The following LRRC31 variants were observed in gnomAD, a reference collection of about 807,000 sequenced individuals.
The protein encoded by LRRC31 is leucine rich repeat containing 31.
Under a neutral mutation model 46.7 loss-of-function variants are expected in LRRC31, and 35 were observed. That is an observed-to-expected ratio of 0.75 (90% confidence interval 0.57 to 0.99). The LOEUF (loss-of-function observed/expected upper bound fraction) is 0.99. Among genes scored for constraint, LRRC31 ranks in the 50% least tolerant of loss-of-function variants. LRRC31 has a pLI of 0.00. For missense variants in LRRC31, 613 were observed against 626.1 expected (o/e 0.98, Z 0.22); for synonymous variants, 236 against 235.1 (o/e 1.00, Z -0.03).
chr3:169,853,624 G>A, intron 6 of LRRC31: 1 of 985,800 alleles, frequency 1.0e-6, no homozygotes, highest in Non-Finnish European at 1.2e-6. Context: ...GGGGATGGTA[G>A]GAACCCATAA....
chr3:169,845,484 C>T (rs117680320), intron 8 of LRRC31, among the ~76,000 whole-genome samples: 17 of 152,160 alleles, frequency 1.1e-4, no homozygotes, highest in East Asian at 3.9e-4. Flanking sequence ...ATCAAGACAG[C>T]GTGATATTGG....
intron 3 of LRRC31, among the ~76,000 whole-genome samples, chr3:169,860,254 G>A (rs1039555131): frequency 1.3e-5 from 2 of 151,124 alleles, no homozygotes; most frequent in African/African-American, 4.9e-5. Context: ...TGGAGATGGA[G>A]TCTCACTCTG....
intron 1 of LRRC31, among the ~76,000 whole-genome samples, chr3:169,863,174 T>C (rs1781226667): frequency 6.6e-6 from 1 of 151,808 alleles, no homozygotes; most frequent in Non-Finnish European, 1.5e-5. Flanking sequence ...TGAGTCACCA[T>C]GGCAGGCCAG....
chr3:169,856,855 T>C lies in LRRC31; in HGVS notation c.505A>G (p.Ile169Val), dbSNP rs766633501. The C allele has an allele frequency of 1.2e-6, 2 of 1,608,904 alleles. No individual in the cohort carries two copies. Among genetic ancestry groups the C allele is most frequent in the East Asian group, 2.2e-5 (1 of 44,646 alleles). Residue 169 changes from isoleucine (I) to valine (V), a missense_variant, in exon 4 of 9, where the codon ATT (isoleucine) becomes GTT (valine). Ile to Val is a conservative substitution (Grantham distance 29). Transcript: ENST00000316428. ...VQALGEAFEM[I>V]PELEELNLSW... is the part of the protein sequence containing the mutation. ...AAATTTAGCTCTTCAAGTTCAGGAATCATCTCAAATGCTTCTCCTGTTAAC... is the reference window on the plus strand; with the variant it reads ...AAATTTAGCTCTTCAAGTTCAGGAACCATCTCAAATGCTTCTCCTGTTAAC...
intron 3 of LRRC31, among the ~76,000 whole-genome samples, chr3:169,857,888 C>T (rs971513345): frequency 6.6e-6 from 1 of 152,052 alleles, no homozygotes; most frequent in Admixed American, 6.6e-5. Flanking sequence ...GCATCTTAAG[C>T]CAGCAATGAA....
chr3:169,850,328 G>A lies in LRRC31; in HGVS notation c.1159+1291C>T, dbSNP rs16847897. On this transcript the variant is annotated intron_variant, in intron 7 of 8. Transcript: ENST00000316428. Reference sequence around the variant, plus strand: ...TCAGCTCGAGTATTTTGCTCAGCTCGCATAGACTTGGTCCTCACCATGTCC... The same window carrying A: ...TCAGCTCGAGTATTTTGCTCAGCTCACATAGACTTGGTCCTCACCATGTCC... 3.3e-5 allele frequency among the ~76,000 whole-genome samples: 5 copies of A among 151,882 alleles called. No homozygotes were observed. The East Asian group carries it at 5.8e-4, about 18-fold the overall frequency.
intron 8 of LRRC31, among the ~76,000 whole-genome samples, chr3:169,843,639 A>C (rs114418320): frequency 0.012 from 1,782 of 152,368 alleles, 38 homozygotes; most frequent in African/African-American, 0.041. Flanking sequence ...TTTTAAAAAG[A>C]ACTGTGAACA....
chr3:169,851,998 G>T (rs1382730210), intron 6 of LRRC31, among the ~76,000 whole-genome samples: 1 of 151,952 alleles, frequency 6.6e-6, no homozygotes, highest in Non-Finnish European at 1.5e-5. Context: ...AAGAGCAAAG[G>T]CTGTGGAGAC....
intron 7 of LRRC31, among the ~76,000 whole-genome samples, chr3:169,848,901 A>G (rs575398936): frequency 1.8e-4 from 27 of 152,254 alleles, no homozygotes; most frequent in Non-Finnish European, 3.7e-4. Flanking sequence ...CAGCTAGTCA[A>G]GATTTCCAGA....
intron 1 of LRRC31, among the ~76,000 whole-genome samples, chr3:169,864,373 C>T (rs904967260): frequency 6.6e-6 from 1 of 152,200 alleles, no homozygotes; most frequent in African/African-American, 2.4e-5. Context: ...AGTCCACATC[C>T]CACTGGGTGC....
chr3:169,866,518 G>A (rs763836381), intron 1 of LRRC31, among the ~76,000 whole-genome samples: 149 of 152,160 alleles, frequency 9.8e-4, no homozygotes, highest in Non-Finnish European at 2.9e-4. Context: ...TTCTGATAGA[G>A]ATGGTTTTCT....
chr3:169,862,828 T>C (rs1781211382), intron 1 of LRRC31, among the ~76,000 whole-genome samples: 3 of 152,062 alleles, frequency 2.0e-5, no homozygotes, highest in African/African-American at 7.2e-5. Flanking sequence ...ATTGAGCACC[T>C]GTTATGTACT....
chr3:169,843,999 G>C (rs923353181), intron 8 of LRRC31, among the ~76,000 whole-genome samples: 5 of 152,110 alleles, frequency 3.3e-5, no homozygotes, highest in African/African-American at 1.2e-4. Flanking sequence ...TCCAAGTTTA[G>C]ATGGCTTCAG....
intron 1 of LRRC31, among the ~76,000 whole-genome samples, chr3:169,866,094 A>T (rs989438258): frequency 2.0e-5 from 3 of 152,192 alleles, no homozygotes; most frequent in Non-Finnish European, 2.9e-5. Flanking sequence ...TATAGGTGAG[A>T]GAAACTCAGT....
chr3:169,856,452 T>A lies in LRRC31; in HGVS notation c.707A>T (p.Asn236Ile). The change falls in exon 5 of 9, where the codon AAC becomes ATC. Residue 236 changes from asparagine to isoleucine, a missense_variant. By Grantham distance (149) the Asn-to-Ile change is moderately radical. Transcript: ENST00000316428. Reference sequence around the variant, plus strand: ...GTTCAGACTGCCAACAATGTCTCTGTTAATGGAAAGATCAAGTACTTCGAG... The same window carrying A: ...GTTCAGACTGCCAACAATGTCTCTGATAATGGAAAGATCAAGTACTTCGAG... ...QSLEVLDLSI[N>I]RDIVGSLNSI... 6.2e-7 allele frequency: 1 copy of A among 1,605,742 alleles called. No individual in the cohort carries two copies. The highest frequency in any genetic ancestry group is 1.1e-5 in the South Asian group (1 of 89,590).
chr3:169,859,463 T>G (rs1218518819), intron 3 of LRRC31, among the ~76,000 whole-genome samples: 1 of 152,206 alleles, frequency 6.6e-6, no homozygotes, highest in Non-Finnish European at 1.5e-5. Context: ...TGGCATAAAA[T>G]GTGTTGTTTT....
chr3:169,842,952 C>T (rs1260921272), intron 8 of LRRC31, among the ~76,000 whole-genome samples: 2 of 151,930 alleles, frequency 1.3e-5, no homozygotes, highest in Non-Finnish European at 2.9e-5. Flanking sequence ...CATCAATAAA[C>T]CCCTTGCAGT....
chr3:169,863,864 C>T (rs1781245922), intron 1 of LRRC31, among the ~76,000 whole-genome samples: 1 of 152,136 alleles, frequency 6.6e-6, no homozygotes, highest in African/African-American at 2.4e-5. Flanking sequence ...GGGACTGCCT[C>T]TTAGGTGCCA....
intron 3 of LRRC31, among the ~76,000 whole-genome samples, chr3:169,857,809 C>G (rs1406824553): frequency 1.3e-5 from 2 of 152,124 alleles, no homozygotes; most frequent in South Asian, 4.1e-4. Context: ...ATGGTTTATT[C>G]ATTCCATGGA....
Sources: allele counts gnomAD v4.1 joint callset (sites outside exome capture counted in the v4.1 genomes callset), GRCh38; gene constraint gnomAD v4.1.1; transcripts MANE v1.5; gene names NCBI Gene and HGNC (gene_info 2026-07-23, HGNC 2026-07-21).